Variants in NDUFAF2 observed in about 807,000 individuals in gnomAD.
NDUFAF2 encodes NADH:ubiquinone oxidoreductase complex assembly factor 2.
NDUFAF2 carries 13 observed loss-of-function variants against 22.8 expected under a neutral mutation model. The ratio of observed to expected loss-of-function variants is 0.57; its 90% confidence interval spans 0.37 to 0.91. NDUFAF2 has a LOEUF of 0.91. Among genes scored for constraint, NDUFAF2 ranks in the 40% least tolerant of loss-of-function variants. The pLI is 0.01. For missense variants in NDUFAF2, 162 were observed against 195.2 expected (o/e 0.83, Z 1.01); for synonymous variants, 53 against 64.2 (o/e 0.83, Z 0.84).
At chr5:61,137,641 T>G (rs1740983568) in intron 3 of NDUFAF2, among the ~76,000 whole-genome samples, 1 of 152,266 alleles carries the variant, frequency 6.6e-6, no homozygotes, top group South Asian at 2.1e-4. Flanking sequence ...TACAGTGTGT[T>G]TAAAGAACAA....
chr5:60,979,743 C>G (rs1226623355), intron 1 of NDUFAF2, among the ~76,000 whole-genome samples: 3 of 152,144 alleles, frequency 2.0e-5, no homozygotes, highest in Admixed American at 6.5e-5. Context: ...GCAACTTGCT[C>G]CCCTGAAGCA....
chr5:60,977,044 G>C (rs1316181574), intron 1 of NDUFAF2, among the ~76,000 whole-genome samples: 2 of 151,912 alleles, frequency 1.3e-5, no homozygotes, highest in Non-Finnish European at 2.9e-5. Context: ...CTTTCTCTTA[G>C]ATACTAAGAT....
At chr5:60,983,803 G>C (rs576357161) in intron 1 of NDUFAF2, among the ~76,000 whole-genome samples, 3 of 152,018 alleles carry the variant, frequency 2.0e-5, no homozygotes, top group South Asian at 4.2e-4. Flanking sequence ...GGTTACTGTA[G>C]CCTTGTAGTA....
chr5:61,086,112 C>G (rs1752502763), intron 2 of NDUFAF2, among the ~76,000 whole-genome samples: 1 of 151,500 alleles, frequency 6.6e-6, no homozygotes, highest in African/African-American at 2.4e-5. Context: ...CAGCAAGATC[C>G]TATCTCTTAA....
intron 2 of NDUFAF2, among the ~76,000 whole-genome samples, chr5:61,074,360 G>A (rs750743434): frequency 2.0e-5 from 3 of 152,200 alleles, no homozygotes; most frequent in East Asian, 1.9e-4. Context: ...AGGCCAAGGC[G>A]GGTGGATCAT....
chr5:61,135,483 A>G (rs552314620), intron 3 of NDUFAF2, among the ~76,000 whole-genome samples: 1 of 152,350 alleles, frequency 6.6e-6, no homozygotes, highest in Non-Finnish European at 1.5e-5. Context: ...AAACATTCAA[A>G]TATATAAATA....
chr5:61,077,463 T>C (rs1752383788), intron 2 of NDUFAF2, among the ~76,000 whole-genome samples: 1 of 151,862 alleles, frequency 6.6e-6, no homozygotes, highest in Non-Finnish European at 1.5e-5. Context: ...TTCTGTAGAG[T>C]GGTAGGAGCA....
intron 2 of NDUFAF2, among the ~76,000 whole-genome samples, chr5:61,076,310 G>A (rs1333697376): frequency 6.6e-6 from 1 of 152,138 alleles, no homozygotes; most frequent in Non-Finnish European, 1.5e-5. Flanking sequence ...TCCTGACCTC[G>A]TGATCTGCCC....
At chr5:61,086,412 A>G (rs1040473991) in intron 2 of NDUFAF2, among the ~76,000 whole-genome samples, 20 of 152,160 alleles carry the variant, frequency 1.3e-4, no homozygotes, top group African/African-American at 4.6e-4. Context: ...ATATAAATCT[A>G]CATTTATCAA....
At chr5:60,986,074 G>A (rs1406844790) in intron 1 of NDUFAF2, among the ~76,000 whole-genome samples, 1 of 152,168 alleles carries the variant, frequency 6.6e-6, no homozygotes, top group East Asian at 1.9e-4. Context: ...TCACTATGGA[G>A]GATGGTTTGG....
intron 1 of NDUFAF2, among the ~76,000 whole-genome samples, chr5:61,042,303 T>TA (rs928317735): frequency 6.6e-6 from 1 of 152,016 alleles, no homozygotes; most frequent in Non-Finnish European, 1.5e-5. Context: ...ATACAGCTGT[T>TA]AAAAAAAGAT....
intron 3 of NDUFAF2, among the ~76,000 whole-genome samples, chr5:61,143,424 G>A (rs941997629): frequency 1.3e-5 from 2 of 152,034 alleles, no homozygotes; most frequent in African/African-American, 4.8e-5. Context: ...TCAAATTTAT[G>A]TCTGGTAAGC....
At chr5:61,074,526 G>T (rs1251869982) in intron 2 of NDUFAF2, among the ~76,000 whole-genome samples, 5 of 152,122 alleles carry the variant, frequency 3.3e-5, no homozygotes, top group Non-Finnish European at 1.5e-5. Context: ...GGCAGAGGTT[G>T]CAGTGAGCCA....
chr5:60,949,299 T>C (rs541794014), intron 1 of NDUFAF2, among the ~76,000 whole-genome samples: 1 of 152,336 alleles, frequency 6.6e-6, no homozygotes, highest in South Asian at 2.1e-4. Context: ...TGTATACTTA[T>C]ACCATATGTA....
chr5:61,054,714 G>A (rs1580115003), intron 1 of NDUFAF2, among the ~76,000 whole-genome samples: 1 of 152,158 alleles, frequency 6.6e-6, no homozygotes, highest in African/African-American at 2.4e-5. Flanking sequence ...ATTCCCACAG[G>A]TAGGAACTTA....
At chr5:61,063,657 AT>A (rs1304874546) in intron 1 of NDUFAF2, among the ~76,000 whole-genome samples, 20 of 152,306 alleles carry the variant, frequency 1.3e-4, no homozygotes, top group African/African-American at 4.8e-4. Flanking sequence ...TTGAGTAATT[AT>A]CAGCTTAAAA....
chr5:60,951,937 A>G (rs1413372941), intron 1 of NDUFAF2, among the ~76,000 whole-genome samples: 1 of 151,612 alleles, frequency 6.6e-6, no homozygotes, highest in African/African-American at 2.4e-5. Flanking sequence ...ATTTTGTCTT[A>G]GGTGAGTTTT....
chr5:61,151,092 T>C (rs1741231731), intron 3 of NDUFAF2, among the ~76,000 whole-genome samples: 4 of 152,190 alleles, frequency 2.6e-5, no homozygotes, highest in African/African-American at 9.6e-5. Context: ...GATGGGCCCT[T>C]CTTCACATCT....
At chr5:61,143,537 A>G (rs1468322843) in intron 3 of NDUFAF2, among the ~76,000 whole-genome samples, 1 of 152,134 alleles carries the variant, frequency 6.6e-6, no homozygotes, top group Non-Finnish European at 1.5e-5. Context: ...ATAGATATTA[A>G]AGATATATGT....
Sources: allele counts gnomAD v4.1 joint callset (sites outside exome capture counted in the v4.1 genomes callset), GRCh38; gene constraint gnomAD v4.1.1; transcripts MANE v1.5; gene names NCBI Gene and HGNC (gene_info 2026-07-23, HGNC 2026-07-21).